IKBKE: variants seen among roughly 807,000 people sequenced by gnomAD.
IKBKE encodes the protein inhibitor of nuclear factor kappa B kinase subunit epsilon, also known as inhibitor of nuclear factor kappa-B kinase subunit epsilon.
IKBKE carries 45 observed loss-of-function variants against 92.1 expected under a neutral mutation model. That is an observed-to-expected ratio of 0.49 (90% CI 0.38 to 0.63). The LOEUF (loss-of-function observed/expected upper bound fraction) is 0.63. Among genes scored for constraint, IKBKE ranks in the 20% least tolerant of loss-of-function variants. The pLI is 0.00. For synonymous variants in IKBKE, 374 were observed against 380.3 expected, an observed-to-expected ratio of 0.98 and a Z score of 0.19; for missense variants, 700 against 932.8, an observed-to-expected ratio of 0.75 and a Z score of 3.25.
chr1:206,493,762 C>A (rs1666076690), intron 20 of IKBKE, among the ~76,000 whole-genome samples, 158 bp from the exon 21 acceptor site: 1 of 152,224 alleles, frequency 6.6e-6, no homozygotes, highest in Non-Finnish European at 1.5e-5. Flanking sequence ...GCACTCCAGC[C>A]TGGGCAAAGG....
chr1:206,470,819 G>C (rs1204717943), intron 1 of IKBKE, 121 bp downstream of exon 1: 2 of 152,266 alleles, frequency 1.3e-5, no homozygotes, highest in African/African-American at 2.4e-5. Flanking sequence ...CTCTCACATA[G>C]AGCGTTGTGT....
At chr1:206,474,190 C>T in intron 3 of IKBKE, 141 bp from the exon 4 acceptor site, 1 of 754,294 alleles carries the variant, frequency 1.3e-6, no homozygotes, top group Non-Finnish European at 2.2e-6. Flanking sequence ...GATGGGAGCC[C>T]CCATCCAACC....
chr1:206,493,061 G>T lies in IKBKE; in HGVS notation c.1874G>T (p.Gly625Val). The T allele has an allele frequency of 6.3e-7, 1 of 1,587,582 alleles. No homozygotes were observed. Residue 625 changes from glycine (G) to valine (V), a missense_variant, in exon 19 of 22, where the codon GGC becomes GTC. Coordinates refer to ENST00000581977, the MANE Select transcript of IKBKE (RefSeq NM_014002.4). Reference protein sequence around the residue: ...HETRNHLRLVGCSVAACNTEA... With the variant: ...HETRNHLRLVVCSVAACNTEA... ...ACCAGGAACCACCTGCGCCTGGTTG[G>T]CTGTTCTGTGGCTGCCTGTAACACA...
At chr1:206,493,208 T>C (rs1262419228) in intron 19 of IKBKE, 58 bp from the exon 20 acceptor site, 6 of 1,565,844 alleles carry the variant, frequency 3.8e-6, no homozygotes, top group Non-Finnish European at 5.3e-6. Context: ...GCACTCCCCC[T>C]ACCCAGCCAC....
Position 206,487,830 on chromosome 1 carries a change from T to G in IKBKE, c.1617-84T>G. 1 of 1,110,202 alleles carries G rather than the reference T, an allele frequency of 9.0e-7. No individual in the cohort carries two copies. The highest frequency in any genetic ancestry group is 1.3e-6 in the Non-Finnish European group (1 of 747,188). 68.8% of individuals were successfully genotyped at this position (1,110,202 alleles called of 1,614,324 possible). ...TGTGGCTGTGAGGCTCCTCCCCTAT[T>G]CCACTGCCACCCTTCCCCTCCCTCC... On this transcript the variant is annotated intron_variant, in intron 15 of 21. Coordinates refer to ENST00000581977, the MANE Select transcript of IKBKE (RefSeq NM_014002.4). This position sits in a 1 kb window ranked among gnomAD's most constrained non-coding sequence, Gnocchi z 5.3.
intron 13 of IKBKE, among the ~76,000 whole-genome samples, chr1:206,481,765 G>C (rs1215126958): frequency 8.5e-6 from 1 of 117,968 alleles, no homozygotes; most frequent in Non-Finnish European, 1.7e-5. Flanking sequence ...GAAGGATGAG[G>C]CTTTTTTTTT....
chr1:206,486,032 C>G (rs1665640803), intron 15 of IKBKE, among the ~76,000 whole-genome samples: 1 of 152,242 alleles, frequency 6.6e-6, no homozygotes, highest in African/African-American at 2.4e-5. Flanking sequence ...GGCCTCAATT[C>G]TAAATTCAAA....
intron 21 of IKBKE, among the ~76,000 whole-genome samples, chr1:206,494,202 C>A (rs1298311001): frequency 1.3e-5 from 2 of 152,196 alleles, no homozygotes; most frequent in East Asian, 3.8e-4. Context: ...ATGTGAGCCT[C>A]CATGCTGTCA....
chr1:206,487,725 C>T lies in IKBKE; in HGVS notation c.1617-189C>T, dbSNP rs575129894. 5.3e-5 allele frequency among the ~76,000 whole-genome samples: 8 copies of T among 152,286 alleles called. No homozygotes were observed. Among genetic ancestry groups the T allele is most frequent in the Admixed American group, 3.9e-4 (6 of 15,308 alleles). On this transcript the variant is annotated intron_variant, in intron 15 of 21. Coordinates refer to ENST00000581977, the MANE Select transcript of IKBKE (RefSeq NM_014002.4). This position sits in a 1 kb window ranked among gnomAD's most constrained non-coding sequence, Gnocchi z 5.3. ...AAGAATAAGCCATGAGAACGAGAGA[C>T]GGCTGGCTGACTGTACGGGGTCTCA...
rs1409735808 is a variant in IKBKE, at chr1:206,490,262, G to A, written c.1694-557G>A. On this transcript the variant is annotated intron_variant, in intron 16 of 21. Transcript: ENST00000581977. The surrounding 1 kb of genome is among the most constrained non-coding windows in gnomAD (Gnocchi z 5.2). ...GGCCCATTCCTGCGAAGACCAGGAGGGGGCAGCATCTCCCTAGTGCATGAG... is the reference window on the plus strand; with the variant it reads ...GGCCCATTCCTGCGAAGACCAGGAGAGGGCAGCATCTCCCTAGTGCATGAG... 6.6e-6 allele frequency among the ~76,000 whole-genome samples: 1 copy of A among 152,218 alleles called. No homozygotes were observed. Among genetic ancestry groups the A allele is most frequent in the African/African-American group, 2.4e-5 (1 of 41,456 alleles).
chr1:206,473,003 G>A, intron 2 of IKBKE, 193 bp from the exon 3 acceptor site: 1 of 552,304 alleles, frequency 1.8e-6, no homozygotes, highest in Non-Finnish European at 3.2e-6. Context: ...GGGCCCTCTT[G>A]TTGTGCTGTG....
intron 13 of IKBKE, among the ~76,000 whole-genome samples, chr1:206,481,843 G>A (rs1377636656): frequency 2.2e-5 from 3 of 135,626 alleles, no homozygotes; most frequent in Admixed American, 8.2e-5. Flanking sequence ...GCAGTGGCGC[G>A]ATCTCGGCTC....
In IKBKE at chr1:206,480,429, C is replaced by G. The variant is rs2103464109; in HGVS notation, c.1341-18C>G. On this transcript the variant is annotated intron_variant, in intron 12 of 21. Transcript: ENST00000581977. ...TCCCCCGATCAAGGCAGCTCTGACTCAGTCTCCCCTTGGACAGGGAGGTGC... is the reference window on the plus strand; with the variant it reads ...TCCCCCGATCAAGGCAGCTCTGACTGAGTCTCCCCTTGGACAGGGAGGTGC... 6.2e-7 allele frequency: 1 copy of G among 1,606,468 alleles called. No homozygotes were observed. The highest frequency in any genetic ancestry group is 2.2e-5 in the East Asian group (1 of 44,832).
Position 206,476,085 on chromosome 1 carries a change from C to T in IKBKE, c.359-96C>T, listed in dbSNP as rs1161174710. On this transcript the variant is annotated intron_variant, in intron 5 of 21. Coordinates refer to ENST00000581977, the MANE Select transcript of IKBKE (RefSeq NM_014002.4). The surrounding 1 kb of genome is among the most constrained non-coding windows in gnomAD (Gnocchi z 5.1). Reference sequence around the variant, plus strand: ...TGTCAGCCCATGGGAACTCCTGTCTCTCTGGATGCAAGGACAGCCTTCCCA... The same window carrying T: ...TGTCAGCCCATGGGAACTCCTGTCTTTCTGGATGCAAGGACAGCCTTCCCA... The T allele has an allele frequency of 2.5e-6, 3 of 1,200,100 alleles. No individual in the cohort carries two copies. In the African/African-American group the frequency reaches 4.5e-5, roughly 18 times the overall value. 74.3% of individuals were successfully genotyped at this position (1,200,100 alleles called of 1,614,324 possible).
chr1:206,478,344 G>C lies in IKBKE; in HGVS notation c.992+5G>C. ...CTATATCCATGCCCACAACACGTAA[G>C]TGGGGGCGAGGGAGGGAAGCGGTGA... On this transcript the variant is annotated splice_donor_5th_base_variant and intron_variant, in intron 9 of 21. Transcript: ENST00000581977. This position sits in a 1 kb window ranked among gnomAD's most constrained non-coding sequence, Gnocchi z 4.8. 1 of 1,611,894 alleles carries C rather than the reference G, an allele frequency of 6.2e-7. No homozygotes were observed. Among genetic ancestry groups the C allele is most frequent in the East Asian group, 2.2e-5 (1 of 44,884 alleles).
rs1572246828 is a variant in IKBKE, at chr1:206,479,809, G to A, written c.1184-61G>A. 1.9e-6 allele frequency: 3 copies of A among 1,552,050 alleles called. No homozygotes were observed. The East Asian group carries it at 6.8e-5, about 35-fold the overall frequency. On this transcript the variant is annotated intron_variant, in intron 10 of 21. Coordinates refer to ENST00000581977, the MANE Select transcript of IKBKE (RefSeq NM_014002.4). ...GGGGTGAGTGTGAGCTGGAAATAAT[G>A]AAAGATAAGCCGACCCAGCACCATA...
chr1:206,482,674 T>G (rs1307099558), intron 13 of IKBKE, among the ~76,000 whole-genome samples: 3 of 152,238 alleles, frequency 2.0e-5, no homozygotes, highest in Non-Finnish European at 4.4e-5. Flanking sequence ...CTTCTCTTAG[T>G]CTGGGTGTGG....
rs2103471830 is a variant in IKBKE, at chr1:206,485,101, G to A, written c.1503+29G>A. On this transcript the variant is annotated intron_variant, in intron 14 of 21. Transcript: ENST00000581977. The surrounding 1 kb of genome is among the most constrained non-coding windows in gnomAD (Gnocchi z 5.0). ...AGTGAGGCTGGAGGGCAAGGGCTTA[G>A]CAGGATCAGAGCTGGGGGCCCGTGT... 6.2e-7 allele frequency: 1 copy of A among 1,608,758 alleles called. No homozygotes were observed. The highest frequency in any genetic ancestry group is 2.2e-5 in the East Asian group (1 of 44,856).
intron 16 of IKBKE, among the ~76,000 whole-genome samples, chr1:206,488,419 CAGG>C (rs1299920459): frequency 2.0e-5 from 3 of 152,150 alleles, no homozygotes; most frequent in African/African-American, 7.2e-5. Flanking sequence ...AAGGGGGGGT[CAGG>C]AGAAGTCCCA....
Sources: allele counts gnomAD v4.1 joint callset (sites outside exome capture counted in the v4.1 genomes callset), GRCh38; gene constraint gnomAD v4.1.1; non-coding constraint Gnocchi (gnomAD v3.1); transcripts MANE v1.5; gene names NCBI Gene and HGNC (gene_info 2026-07-23, HGNC 2026-07-21).